The following SYN3 variants were observed in gnomAD, a reference collection of about 807,000 sequenced individuals.
The protein encoded by SYN3 is synapsin III.
In SYN3, 35 loss-of-function variants were observed where a neutral mutation model predicts 65.8. The observed-to-expected ratio is 0.53, with a 90% CI of 0.41 to 0.70. SYN3 has a LOEUF of 0.70. SYN3 is among the 30% of genes least tolerant of loss of function. SYN3 has a pLI of 0.00. For synonymous variants in SYN3, 270 were observed against 292.9 expected (o/e 0.92, Z 0.80); for missense variants, 680 against 749.0 (o/e 0.91, Z 1.08).
At chr22:33,040,476 A>G (rs1485781272) in intron 1 of SYN3, among the ~76,000 whole-genome samples, 2 of 152,166 alleles carry the variant, frequency 1.3e-5, no homozygotes, top group African/African-American at 4.8e-5. Flanking sequence ...TCTCCTTCAA[A>G]TCCACTTCCA....
At chr22:32,863,534 A>T (rs1206421401) in intron 6 of SYN3, among the ~76,000 whole-genome samples, 1 of 152,168 alleles carries the variant, frequency 6.6e-6, no homozygotes, top group Non-Finnish European at 1.5e-5. Flanking sequence ...CCCAGAGCTT[A>T]TAACAACCTC....
chr22:32,541,508 T>G, intron 8 of SYN3, 63 bp downstream of exon 8: 1 of 1,597,360 alleles, frequency 6.3e-7, no homozygotes, highest in African/African-American at 1.3e-5. Context: ...AGACAGCGGC[T>G]GGACATGCAC....
chr22:32,623,140 A>C (rs529073953), intron 6 of SYN3, among the ~76,000 whole-genome samples: 131 of 152,166 alleles, frequency 8.6e-4, no homozygotes, highest in Non-Finnish European at 1.7e-3. Context: ...CAGGGAGAGA[A>C]AGTTGTCACA....
intron 4 of SYN3, among the ~76,000 whole-genome samples, chr22:32,876,271 G>C (rs1462151259): frequency 6.6e-6 from 1 of 152,094 alleles, no homozygotes; most frequent in Non-Finnish European, 1.5e-5. Flanking sequence ...CATTAGGGCT[G>C]ATGACTTCAT....
chr22:32,856,035 C>T (rs571826707), intron 6 of SYN3, among the ~76,000 whole-genome samples: 11 of 152,274 alleles, frequency 7.2e-5, no homozygotes, highest in Middle Eastern at 3.4e-3. Context: ...TTGAATTCAA[C>T]GTTCACCAGC....
At chr22:32,840,975 T>C (rs895021688) in intron 6 of SYN3, among the ~76,000 whole-genome samples, 1 of 152,240 alleles carries the variant, frequency 6.6e-6, no homozygotes, top group African/African-American at 2.4e-5. Context: ...TGAAGAGTTG[T>C]GTATCTGACC....
chr22:32,935,041 G>T (rs1256058180), intron 3 of SYN3, among the ~76,000 whole-genome samples: 1 of 152,112 alleles, frequency 6.6e-6, no homozygotes, highest in Non-Finnish European at 1.5e-5. Context: ...ACCTTGATTT[G>T]GGAATTTTGG....
intron 1 of SYN3, among the ~76,000 whole-genome samples, chr22:33,054,473 T>C (rs1463100766): frequency 2.6e-5 from 4 of 152,232 alleles, no homozygotes; most frequent in African/African-American, 7.2e-5. Flanking sequence ...ACTATCCTCA[T>C]GATGATGTAC....
rs956314638 is a variant in SYN3 at position 32,509,372 on chromosome 22, G to C, written c.*4320C>G. On this transcript the variant is annotated 3_prime_UTR_variant, in exon 14 of 14. Transcript: ENST00000358763. ...AAAACAACAAACATAACATTTTAGAGTCTATACAGCATGACTCCCCTCTCC... is the reference window on the plus strand; with the variant it reads ...AAAACAACAAACATAACATTTTAGACTCTATACAGCATGACTCCCCTCTCC... Among the ~76,000 whole-genome samples, 1 of 152,118 alleles carries C rather than the reference G, an allele frequency of 6.6e-6. No homozygotes were observed. The highest frequency in any genetic ancestry group is 2.4e-5 in the African/African-American group (1 of 41,396).
At chr22:32,681,053 G>T (rs929999807) in intron 6 of SYN3, among the ~76,000 whole-genome samples, 1 of 151,948 alleles carries the variant, frequency 6.6e-6, no homozygotes, top group African/African-American at 2.4e-5. Flanking sequence ...CATGATAAGG[G>T]AGGTGGGAGC....
chr22:32,994,757 G>A (rs1682742496), intron 2 of SYN3, among the ~76,000 whole-genome samples: 1 of 152,162 alleles, frequency 6.6e-6, no homozygotes, highest in African/African-American at 2.4e-5. Context: ...CTGGAAGACA[G>A]CCCTCCAGCA....
intron 1 of SYN3, among the ~76,000 whole-genome samples, chr22:33,013,344 G>C (rs1460495225): frequency 3.9e-5 from 6 of 152,208 alleles, no homozygotes; most frequent in Non-Finnish European, 1.5e-5. Context: ...ACAATACACA[G>C]AGTGTGGTCA....
intron 4 of SYN3, among the ~76,000 whole-genome samples, chr22:32,880,519 C>A (rs574307746): frequency 1.3e-5 from 2 of 152,270 alleles, no homozygotes; most frequent in South Asian, 4.1e-4. Context: ...AGCAATCAGT[C>A]ACTGACCCCC....
Position 32,508,138 on chromosome 22 carries a change from C to A in SYN3, c.*5554G>T, listed in dbSNP as rs576420545. The stretch of plus-strand genomic sequence containing the variant: ...GACTTGCGCGTATACGCCCAGATGG[C>A]CTGAAGTAACTGAAGAATCACAAAA... On this transcript the variant is annotated 3_prime_UTR_variant, in exon 14 of 14. Coordinates refer to ENST00000358763, the MANE Select transcript of SYN3 (RefSeq NM_003490.4). 1.3e-4 allele frequency among the ~76,000 whole-genome samples: 20 copies of A among 152,272 alleles called. No homozygotes were observed. Among genetic ancestry groups the A allele is most frequent in the Admixed American group, 3.3e-4 (5 of 15,298 alleles).
intron 3 of SYN3, among the ~76,000 whole-genome samples, chr22:32,940,873 C>T (rs1197448741): frequency 6.6e-6 from 1 of 152,188 alleles, no homozygotes; most frequent in Non-Finnish European, 1.5e-5. Context: ...CCTCTGTCTC[C>T]TTAACCTACT....
chr22:32,797,847 C>A (rs2046466767), intron 6 of SYN3, among the ~76,000 whole-genome samples: 1 of 152,192 alleles, frequency 6.6e-6, no homozygotes, highest in African/African-American at 2.4e-5. Context: ...CCCATGGAAT[C>A]TTGGAGTTTT....
rs181607013 is a variant in SYN3, at chr22:33,000,297, C to T, written c.311+6055G>A. ...TCCGGAGCCAGGCCTTACATCCTTG[C>T]CTAGCCAGGCTGGTCTCCTCAGGCA... On this transcript the variant is annotated intron_variant, in intron 2 of 13. Transcript: ENST00000358763. 3.7e-3 allele frequency among the ~76,000 whole-genome samples: 567 copies of T among 152,278 alleles called. 1 individual carries two copies. Among genetic ancestry groups the T allele is most frequent in the African/African-American group, 0.012 (511 of 41,552 alleles).
chr22:32,835,977 A>G (rs1569263515), intron 6 of SYN3, among the ~76,000 whole-genome samples: 1 of 152,200 alleles, frequency 6.6e-6, no homozygotes, highest in Non-Finnish European at 1.5e-5. Context: ...AATTTTCCCT[A>G]TCTCCGCATT....
intron 6 of SYN3, among the ~76,000 whole-genome samples, chr22:32,829,883 C>T (rs1285765431): frequency 6.6e-6 from 1 of 152,226 alleles, no homozygotes; most frequent in African/African-American, 2.4e-5. Flanking sequence ...GACCAAGATG[C>T]GACCCTGACA....
Sources: gnomAD v4.1 joint callset for allele counts (sites outside exome capture counted in the v4.1 genomes callset) on GRCh38, gnomAD v4.1.1 for gene constraint, MANE v1.5 for transcripts, NCBI Gene and HGNC (gene_info 2026-07-23, HGNC 2026-07-21) for gene names.